WNT9B: variants seen among roughly 807,000 people sequenced by gnomAD.
WNT9B encodes the protein protein Wnt-9b.
A neutral mutation model predicts 30.2 loss-of-function variants in WNT9B; 12 were observed. That is an observed-to-expected ratio of 0.40 (90% CI 0.26 to 0.64). The LOEUF (loss-of-function observed/expected upper bound fraction) is 0.64, where lower values mean the gene tolerates loss of function less well. Ranked by LOEUF, WNT9B falls within the 30% of genes least tolerant of loss-of-function variation. The probability of loss-of-function intolerance (pLI) is 0.42; values close to 1 mark genes in which losing one functional copy is unlikely to be tolerated. For missense variants in WNT9B, 442 were observed against 485.2 expected (o/e 0.91, Z 0.84); for synonymous variants, 218 against 216.9 (o/e 1.01, Z -0.05).
At chr17:46,836,890 A>T (rs1409800271) in intron 1 of WNT9B, among the ~76,000 whole-genome samples, 1 of 152,242 alleles carries the variant, frequency 6.6e-6, no homozygotes, top group Non-Finnish European at 1.5e-5. Flanking sequence ...TTTGTAAATG[A>T]ACCCTTTGCT....
intron 1 of WNT9B, among the ~76,000 whole-genome samples, chr17:46,843,518 A>G (rs2084739836): frequency 1.3e-5 from 2 of 152,148 alleles, no homozygotes; most frequent in African/African-American, 4.8e-5. Flanking sequence ...CTTCCCTGGA[A>G]CAATGAATTG....
At chr17:46,876,134 G>C in intron 3 of WNT9B, 111 bp from the exon 4 acceptor site, 1 of 1,047,582 alleles carries the variant, frequency 9.5e-7, no homozygotes, top group Non-Finnish European at 1.4e-6. Flanking sequence ...GAGACCCTGG[G>C]TCTCTTTCCC....
chr17:46,851,701 C>T lies in WNT9B; in HGVS notation c.63C>T (p.Ala21=), dbSNP rs1276892229. The T allele has an allele frequency of 2.3e-6, 3 of 1,310,742 alleles. No individual in the cohort carries two copies. The highest frequency in any genetic ancestry group is 2.3e-5 in the South Asian group (1 of 43,056). The allele number at this position is 1,310,742 out of a possible 1,614,324, so 81.2% of individuals were successfully genotyped here. A position where few individuals can be genotyped will look rare whatever the true frequency, so the allele number is the denominator to read the frequency against. ...GCCTGCTGGCGCTGCCCGCCGCCGC[C>T]GCCTCCTACTTCGGGTCAGTGCCCG... is the stretch of plus-strand genomic sequence containing the variant. ...GLCLLALPAA[A]ASYFGLTGRE... is the part of the protein sequence containing the mutation. The change falls in exon 1 of 4, where the codon GCC becomes GCT. Residue 21 remains alanine, a synonymous_variant. Transcript: ENST00000290015. The surrounding 1 kb of genome is among the most constrained non-coding windows in gnomAD (Gnocchi z 4.3).
chr17:46,840,366 G>A (rs565083238), intron 1 of WNT9B, among the ~76,000 whole-genome samples: 3 of 152,292 alleles, frequency 2.0e-5, no homozygotes, highest in Non-Finnish European at 4.4e-5. Flanking sequence ...GATTACAGGC[G>A]CGAGCCACGG....
At chr17:46,840,004 TTTC>T (rs2084690447) in intron 1 of WNT9B, among the ~76,000 whole-genome samples, 1 of 5,130 alleles carries the variant, frequency 1.9e-4, no homozygotes, top group South Asian at 0.015. Flanking sequence ...TTCTTTCTTC[TTTC>T]TTTCTTTCTT....
intron 1 of WNT9B, among the ~76,000 whole-genome samples, chr17:46,854,430 GA>G (rs926777667): frequency 2.6e-4 from 40 of 152,182 alleles, no homozygotes; most frequent in African/African-American, 9.2e-4. Flanking sequence ...TGGGCTCTTT[GA>G]AATCATAGAA....
At chr17:46,848,854 G>A (rs1251600418), upstream of WNT9B, among the ~76,000 whole-genome samples, 4 of 152,184 alleles carry the variant, frequency 2.6e-5, no homozygotes, top group African/African-American at 9.7e-5. Flanking sequence ...GTGCAATGGA[G>A]TTATGATTGT....
At chr17:46,882,498 C>T (rs571318592), downstream of WNT9B, among the ~76,000 whole-genome samples, 4 of 151,730 alleles carry the variant, frequency 2.6e-5, no homozygotes, top group East Asian at 5.8e-4. Context: ...TGCAGTGGTG[C>T]GATCTCGGCT....
intron 1 of WNT9B, among the ~76,000 whole-genome samples, chr17:46,838,181 A>G (rs2084655795): frequency 6.6e-6 from 1 of 152,152 alleles, no homozygotes; most frequent in Non-Finnish European, 1.5e-5. Context: ...TCTCTGAGAC[A>G]TCTGGCTGAA....
chr17:46,874,341 G>A (rs1010666431), intron 2 of WNT9B, among the ~76,000 whole-genome samples: 9 of 152,160 alleles, frequency 5.9e-5, no homozygotes, highest in African/African-American at 2.2e-4. Flanking sequence ...AAGCCCATGG[G>A]GCTTATCTCA....
Position 46,878,464 on chromosome 17 carries a change from C to T in WNT9B, c.*1746C>T, listed in dbSNP as rs554303312. Among the ~76,000 whole-genome samples the T allele has an allele frequency of 2.6e-5, 4 of 152,296 alleles. No individual in the cohort carries two copies. The highest frequency in any genetic ancestry group is 2.1e-4 in the South Asian group (1 of 4,814). Reference sequence around the variant, plus strand: ...GGAAGGATTTTTGACTGCAGAGGCCCGGCTGAGAAGCCAAACTGACCTGAG... The same window carrying T: ...GGAAGGATTTTTGACTGCAGAGGCCTGGCTGAGAAGCCAAACTGACCTGAG... On this transcript the variant is annotated 3_prime_UTR_variant, in exon 4 of 4. Coordinates refer to ENST00000290015, the MANE Select transcript of WNT9B (RefSeq NM_003396.3).
At chr17:46,840,714 T>G (rs1267711448) in intron 1 of WNT9B, among the ~76,000 whole-genome samples, 1 of 152,260 alleles carries the variant, frequency 6.6e-6, no homozygotes, top group Non-Finnish European at 1.5e-5. Flanking sequence ...TGAGATGGTA[T>G]CTCATTGTGG....
At chr17:46,867,917 A>G (rs2085167179) in intron 1 of WNT9B, among the ~76,000 whole-genome samples, 1 of 152,056 alleles carries the variant, frequency 6.6e-6, no homozygotes, top group Admixed American at 6.5e-5. Flanking sequence ...TGGTTTTATG[A>G]TGAACCTGAC....
chr17:46,865,718 C>T (rs942365832), intron 1 of WNT9B, among the ~76,000 whole-genome samples: 1 of 152,078 alleles, frequency 6.6e-6, no homozygotes, highest in African/African-American at 2.4e-5. Flanking sequence ...TGGGCTCAAG[C>T]GATCCTCCTA....
rs578099167 is a variant in WNT9B at position 46,877,597 on chromosome 17, A to T, written c.*879A>T. ...AAAGGAATCTTCACTCCCAGCGCAGAGGAGGAGGGCAACAGCTTCCTGGTG... is the reference window on the plus strand; with the variant it reads ...AAAGGAATCTTCACTCCCAGCGCAGTGGAGGAGGGCAACAGCTTCCTGGTG... On this transcript the variant is annotated 3_prime_UTR_variant, in exon 4 of 4. Transcript: ENST00000290015. Among the ~76,000 whole-genome samples, 1 of 152,220 alleles carries T rather than the reference A, an allele frequency of 6.6e-6. No homozygotes were observed. Among genetic ancestry groups the T allele is most frequent in the South Asian group, 2.1e-4 (1 of 4,812 alleles).
chr17:46,839,941 T>TC (rs1303945486), intron 1 of WNT9B, among the ~76,000 whole-genome samples: 17 of 149,386 alleles, frequency 1.1e-4, no homozygotes, highest in African/African-American at 4.2e-4. Context: ...TCTTTCTTTC[T>TC]TTCTTTCTTT....
Position 46,880,007 on chromosome 17 carries a change from G to A in WNT9B, c.*3289G>A, listed in dbSNP as rs1000788163. ...AGATGAATTTTGATTGCTCTCATTTGTGTTTTGCTTGTAAAAATGAATTGT... is the reference window on the plus strand; with the variant it reads ...AGATGAATTTTGATTGCTCTCATTTATGTTTTGCTTGTAAAAATGAATTGT... On this transcript the variant is annotated 3_prime_UTR_variant, in exon 4 of 4. Coordinates refer to ENST00000290015, the MANE Select transcript of WNT9B (RefSeq NM_003396.3). Among the ~76,000 whole-genome samples the A allele has an allele frequency of 5.9e-5, 9 of 152,362 alleles. No homozygotes were observed. The highest frequency in any genetic ancestry group is 1.2e-4 in the Non-Finnish European group (8 of 68,036).
chr17:46,839,977 TCTTC>T (rs2084687758), intron 1 of WNT9B, among the ~76,000 whole-genome samples: 2 of 119,284 alleles, frequency 1.7e-5, no homozygotes, highest in African/African-American at 3.2e-5. Context: ...TCTTTCTTTC[TCTTC>T]TTTCTTTCTT....
chr17:46,864,303 A>G (rs2085096052), intron 1 of WNT9B, among the ~76,000 whole-genome samples: 1 of 152,030 alleles, frequency 6.6e-6, no homozygotes, highest in Admixed American at 6.5e-5. Flanking sequence ...CTTTCCCTGA[A>G]CTTCCCACCC....
Sources: allele counts gnomAD v4.1 joint callset (sites outside exome capture counted in the v4.1 genomes callset), GRCh38; gene constraint gnomAD v4.1.1; non-coding constraint Gnocchi (gnomAD v3.1); transcripts MANE v1.5; gene names NCBI Gene and HGNC (gene_info 2026-07-23, HGNC 2026-07-21).